Variants in MICAL2 observed in about 807,000 individuals in gnomAD.
MICAL2 encodes microtubule associated monooxygenase, calponin and LIM domain containing 2.
Under a neutral mutation model 127.3 loss-of-function variants are expected in MICAL2, and 77 were observed. That is an observed-to-expected ratio of 0.60 (90% CI 0.50 to 0.73). The LOEUF (loss-of-function observed/expected upper bound fraction) is 0.73. Among genes scored for constraint, MICAL2 ranks in the 30% least tolerant of loss-of-function variants. The pLI, the probability that MICAL2 is intolerant of heterozygous loss-of-function variation, is 0.00. For missense variants in MICAL2, 1,351 were observed against 1,434.4 expected (o/e 0.94, Z 0.94); for synonymous variants, 570 against 551.1 (o/e 1.03, Z -0.48).
Position 12,207,971 on chromosome 11 carries a change from G to A in MICAL2, c.473-52G>A. The A allele has an allele frequency of 4.5e-6, 6 of 1,330,296 alleles. No homozygotes were observed. The South Asian group carries it at 4.7e-5, about 10-fold the overall frequency. The allele number at this position is 1,330,296 out of a possible 1,614,324, so 82.4% of individuals were successfully genotyped here. On this transcript the variant is annotated intron_variant, in intron 4 of 27. Coordinates refer to ENST00000683283, the MANE Select transcript of MICAL2 (RefSeq NM_001282663.2). ...GTGATTATGTAGCATTCTGCATATAGGTGGTGTTCAGGTATTGCTGTGACA... is the reference window on the plus strand; with the variant it reads ...GTGATTATGTAGCATTCTGCATATAAGTGGTGTTCAGGTATTGCTGTGACA...
chr11:12,189,273 T>C (rs537056423), intron 3 of MICAL2, among the ~76,000 whole-genome samples: 1 of 152,344 alleles, frequency 6.6e-6, no homozygotes, highest in South Asian at 2.1e-4. Context: ...TGTAAAGTTC[T>C]CTTGCTCAGG....
intron 2 of MICAL2, among the ~76,000 whole-genome samples, chr11:12,142,849 C>A (rs982990265): frequency 6.6e-6 from 1 of 152,208 alleles, no homozygotes; most frequent in African/African-American, 2.4e-5. Flanking sequence ...ACTCTAAAGC[C>A]CTTCCTGGTT....
downstream of MICAL2, among the ~76,000 whole-genome samples, chr11:12,267,613 ATTTG>A (rs1275373089): frequency 5.9e-5 from 9 of 151,534 alleles, no homozygotes; most frequent in South Asian, 4.2e-4. Context: ...CCTTTTATTT[ATTTG>A]TTTGTTTGTT....
At chr11:12,276,730 G>A (rs994291233) in intron 1 of MICAL2, 4 of 152,228 alleles carry the variant, frequency 2.6e-5, no homozygotes, top group African/African-American at 9.7e-5. Context: ...GTCAACAGCA[G>A]GTATTGATTG....
chr11:12,243,110 C>G (rs1860208535), intron 20 of MICAL2: 1 of 183,646 alleles, frequency 5.4e-6, no homozygotes, highest in Middle Eastern at 2.3e-3. Context: ...AAAGAGGAAA[C>G]AGTCATCAGT....
downstream of MICAL2, among the ~76,000 whole-genome samples, chr11:12,289,472 C>T (rs1193779102): frequency 2.6e-5 from 4 of 151,396 alleles, no homozygotes; most frequent in Admixed American, 6.6e-5. Context: ...GGCTTGAGTG[C>T]GTGAGAGGGT....
At chr11:12,212,956 AT>A (rs1565173626) in intron 6 of MICAL2, among the ~76,000 whole-genome samples, 1 of 152,200 alleles carries the variant, frequency 6.6e-6, no homozygotes, top group African/African-American at 2.4e-5. Context: ...TCTAGCAACA[AT>A]GCCTGACACA....
intron 3 of MICAL2, among the ~76,000 whole-genome samples, chr11:12,163,267 C>A (rs932857546): frequency 3.9e-5 from 6 of 152,198 alleles, no homozygotes; most frequent in African/African-American, 7.2e-5. Flanking sequence ...AGCTGACTTC[C>A]CTGGTGGCCG....
At chr11:12,217,310 C>T (rs1008126527) in intron 8 of MICAL2, among the ~76,000 whole-genome samples, 7 of 152,278 alleles carry the variant, frequency 4.6e-5, no homozygotes, top group Middle Eastern at 6.8e-3. Flanking sequence ...TGCTGGCAGC[C>T]GTCTGGGTGG....
chr11:12,127,987 G>A (rs1046784821), intron 1 of MICAL2, among the ~76,000 whole-genome samples: 3 of 152,200 alleles, frequency 2.0e-5, no homozygotes, highest in Non-Finnish European at 2.9e-5. Context: ...ACTTAGACTA[G>A]CACCTGACAT....
intron 21 of MICAL2, among the ~76,000 whole-genome samples, chr11:12,244,901 G>A (rs531214448): frequency 6.6e-6 from 1 of 152,336 alleles, no homozygotes; most frequent in Admixed American, 6.5e-5. Flanking sequence ...AGCCACTGCA[G>A]GATCTACTCT....
downstream of MICAL2, among the ~76,000 whole-genome samples, chr11:12,268,211 C>T (rs1180420615): frequency 6.6e-6 from 1 of 152,188 alleles, no homozygotes; most frequent in Non-Finnish European, 1.5e-5. Flanking sequence ...CCACTGCAGA[C>T]CCCCTGATTA....
At chr11:12,274,919 G>A (rs1265461267), upstream of MICAL2, among the ~76,000 whole-genome samples, 2 of 151,886 alleles carry the variant, frequency 1.3e-5, no homozygotes, top group Non-Finnish European at 2.9e-5. Flanking sequence ...GTGGGGGTGG[G>A]GCACAGCAAG....
At position 12,227,102 on chromosome 11, in the gene MICAL2, C is replaced by T. The variant is rs146540356; in HGVS notation, c.1966C>T (p.Leu656Phe). 71 of 1,613,842 alleles carry T rather than the reference C, an allele frequency of 4.4e-5. No homozygotes were observed. The African/African-American group carries it at 7.7e-4, about 18-fold the overall frequency. The part of the protein sequence containing the change: ...KSSISNNYLN[L>F]TFPRKRTPRV... ...ATCCATTTCTAATAACTATCTCAACCTCACATTTCCAAGGAAGAGGACTCC... is the reference window on the plus strand; with the variant it reads ...ATCCATTTCTAATAACTATCTCAACTTCACATTTCCAAGGAAGAGGACTCC... The change falls in exon 15 of 28, where the codon CTC becomes TTC. Residue 656 changes from leucine (L) to phenylalanine (F), a missense_variant. Transcript: ENST00000683283.
rs568388009 is a variant in MICAL2 at position 12,339,962 on chromosome 11, C to A, written c.5516-9876C>A. ...GCTGTGTGCTGGGAGAACCACTACT[C>A]TCTTCAAAGCTCAGTTGGAAATGCA... On this transcript the variant is annotated intron_variant, in intron 32 of 34. Coordinates refer to the MICAL2 transcript ENST00000646065. Among the ~76,000 whole-genome samples, 7 of 152,304 alleles carry A rather than the reference C, an allele frequency of 4.6e-5. No individual in the cohort carries two copies. In the South Asian group the frequency reaches 1.5e-3, roughly 32 times the overall value.
chr11:12,267,360 C>T (rs1049179115), downstream of MICAL2, among the ~76,000 whole-genome samples: 3 of 152,212 alleles, frequency 2.0e-5, no homozygotes, highest in Admixed American at 2.0e-4. Flanking sequence ...TTTCTGGAGA[C>T]TGCAATTCCC....
At chr11:12,349,705 A>T in intron 32 of MICAL2, 1 of 739,452 alleles carries the variant, frequency 1.4e-6, no homozygotes, top group Non-Finnish European at 2.3e-6. Context: ...GGAGGCACCT[A>T]CAGGGTGTCA....
At chr11:12,176,238 T>G (rs1404899621) in intron 3 of MICAL2, among the ~76,000 whole-genome samples, 1 of 152,186 alleles carries the variant, frequency 6.6e-6, no homozygotes, top group African/African-American at 2.4e-5. Flanking sequence ...AAAGTCTTTT[T>G]GGAAGAAAAA....
intron 3 of MICAL2, among the ~76,000 whole-genome samples, chr11:12,175,669 T>C (rs888691234): frequency 3.3e-5 from 5 of 152,090 alleles, no homozygotes; most frequent in Middle Eastern, 3.4e-3. Flanking sequence ...AGTAGGTTGC[T>C]GTTTGATATA....
Sources: gnomAD v4.1 joint callset for allele counts (sites outside exome capture counted in the v4.1 genomes callset) on GRCh38, gnomAD v4.1.1 for gene constraint, MANE v1.5 for transcripts, NCBI Gene and HGNC (gene_info 2026-07-23, HGNC 2026-07-21) for gene names.